GYS2: variants seen among roughly 807,000 people sequenced by gnomAD.
The protein encoded by GYS2 is glycogen [starch] synthase, liver.
In GYS2, 80 loss-of-function variants were observed where a neutral mutation model predicts 85.6. The observed-to-expected ratio is 0.93, with a 90% CI of 0.78 to 1.13. The LOEUF is 1.13. Among genes scored for constraint, GYS2 ranks in the 50% most tolerant of loss-of-function variants. The pLI is 0.00. For synonymous variants in GYS2, 328 were observed against 300.7 expected (o/e 1.09, Z -0.94); for missense variants, 881 against 854.9 (o/e 1.03, Z -0.38).
chr12:21,568,346 G>A (rs746782755), intron 5 of GYS2, among the ~76,000 whole-genome samples: 10 of 152,160 alleles, frequency 6.6e-5, no homozygotes, highest in Non-Finnish European at 1.2e-4. Context: ...GTGGCCGGGT[G>A]ACAGGGCCAT....
chr12:21,570,837 T>A (rs1233144088), intron 4 of GYS2, among the ~76,000 whole-genome samples: 2 of 152,108 alleles, frequency 1.3e-5, no homozygotes, highest in Non-Finnish European at 2.9e-5. Flanking sequence ...TATTTAGAGG[T>A]GTGGTAAAGA....
chr12:21,594,100 C>T (rs1218823822), intron 1 of GYS2, among the ~76,000 whole-genome samples: 3 of 152,068 alleles, frequency 2.0e-5, no homozygotes, highest in Non-Finnish European at 4.4e-5. Context: ...GAACATATCT[C>T]AATATAATAA....
At chr12:21,539,967 T>C (rs1943953045) in intron 14 of GYS2, among the ~76,000 whole-genome samples, 1 of 152,236 alleles carries the variant, frequency 6.6e-6, no homozygotes, top group African/African-American at 2.4e-5. Flanking sequence ...ATAAACCTAT[T>C]GCATGATTGA....
intron 13 of GYS2, among the ~76,000 whole-genome samples, chr12:21,541,904 G>T (rs1298120680): frequency 6.6e-6 from 1 of 151,952 alleles, no homozygotes; most frequent in African/African-American, 2.4e-5. Flanking sequence ...TCCCATCTTT[G>T]TGTCTATGTG....
chr12:21,604,353 A>C (rs555947080), intron 1 of GYS2, 119 bp downstream of exon 1: 1 of 766,988 alleles, frequency 1.3e-6, no homozygotes. Context: ...TTCCGTTTAA[A>C]TGCTTTCCTC....
chr12:21,535,297 G>A (rs1943900673), downstream of GYS2, among the ~76,000 whole-genome samples: 1 of 152,104 alleles, frequency 6.6e-6, no homozygotes, highest in South Asian at 2.1e-4. Context: ...CGTTAAGCTA[G>A]TTTACTGGGG....
At chr12:21,547,764 G>A (rs533510426) in intron 11 of GYS2, among the ~76,000 whole-genome samples, 1 of 152,208 alleles carries the variant, frequency 6.6e-6, no homozygotes, top group South Asian at 2.1e-4. Context: ...TGGATCTTGG[G>A]TGGTAATTAT....
At chr12:21,568,383 T>G (rs1944347787) in intron 5 of GYS2, among the ~76,000 whole-genome samples, 1 of 152,178 alleles carries the variant, frequency 6.6e-6, no homozygotes, top group South Asian at 2.1e-4. Context: ...TTCTTCACAT[T>G]GCAAGCTCTG....
intron 1 of GYS2, among the ~76,000 whole-genome samples, chr12:21,587,098 G>A (rs1359881805): frequency 6.6e-6 from 1 of 152,178 alleles, no homozygotes; most frequent in Non-Finnish European, 1.5e-5. Flanking sequence ...AACACAGTAT[G>A]TTCTCATTTA....
chr12:21,597,302 A>G (rs1944707486), intron 1 of GYS2, among the ~76,000 whole-genome samples: 1 of 152,074 alleles, frequency 6.6e-6, no homozygotes, highest in African/African-American at 2.4e-5. Flanking sequence ...ATTTGCATAC[A>G]TTTGACAAGG....
Position 21,574,338 on chromosome 12 carries a change from A to G in GYS2, c.496-12T>C, listed in dbSNP as rs1944420873. On this transcript the variant is annotated splice_polypyrimidine_tract_variant and intron_variant, in intron 3 of 15. Transcript: ENST00000261195. ...GCATGATCTGTCACCTACATTAGGA[A>G]AAAAAAAGCATTCAGAAAAGTTGTT... The G allele has an allele frequency of 1.2e-6, 2 of 1,608,404 alleles. No individual in the cohort carries two copies. Among genetic ancestry groups the G allele is most frequent in the East Asian group, 4.5e-5 (2 of 44,836 alleles).
intron 1 of GYS2, among the ~76,000 whole-genome samples, chr12:21,588,969 C>T (rs1336361549): frequency 1.3e-5 from 2 of 152,220 alleles, no homozygotes; most frequent in Non-Finnish European, 2.9e-5. Context: ...CCACTATCCA[C>T]AAAAATGCAA....
chr12:21,566,246 A>T (rs1350798241), intron 5 of GYS2, among the ~76,000 whole-genome samples: 2 of 152,108 alleles, frequency 1.3e-5, no homozygotes, highest in Non-Finnish European at 2.9e-5. Context: ...CTTGCTCTGT[A>T]GTTGCACCCT....
chr12:21,556,827 C>A (rs1185506385), intron 11 of GYS2, among the ~76,000 whole-genome samples: 1 of 152,200 alleles, frequency 6.6e-6, no homozygotes, highest in East Asian at 1.9e-4. Flanking sequence ...AACCGTCTCT[C>A]CCATGGTTTT....
chr12:21,581,144 C>T (rs1438648394), intron 1 of GYS2, among the ~76,000 whole-genome samples: 4 of 152,188 alleles, frequency 2.6e-5, no homozygotes, highest in African/African-American at 4.8e-5. Flanking sequence ...AACACAAATA[C>T]GTATTTCATT....
intron 1 of GYS2, among the ~76,000 whole-genome samples, chr12:21,599,705 C>T (rs545390818): frequency 2.5e-4 from 38 of 152,218 alleles, no homozygotes; most frequent in African/African-American, 8.9e-4. Context: ...ACTATGCATC[C>T]CGTGATTGAA....
chr12:21,536,084 A>C (rs777742303), downstream of GYS2: 2 of 152,214 alleles, frequency 1.3e-5, no homozygotes, highest in Non-Finnish European at 2.9e-5. Flanking sequence ...AACAATTTTT[A>C]AAGAAGGCAT....
chr12:21,557,871 C>G (rs184908855), intron 11 of GYS2, among the ~76,000 whole-genome samples: 3,171 of 152,010 alleles, frequency 0.021, 64 homozygotes, highest in Non-Finnish European at 0.03. Flanking sequence ...TGCACTCCAG[C>G]CTGGGCGACA....
At chr12:21,545,104 C>T (rs1220789396) in intron 12 of GYS2, among the ~76,000 whole-genome samples, 3 of 152,174 alleles carry the variant, frequency 2.0e-5, no homozygotes, top group African/African-American at 7.2e-5. Flanking sequence ...GCAACATTTA[C>T]TATCTCAATT....
Sources: gnomAD v4.1 joint callset for allele counts (sites outside exome capture counted in the v4.1 genomes callset) on GRCh38, gnomAD v4.1.1 for gene constraint, MANE v1.5 for transcripts, NCBI Gene and HGNC (gene_info 2026-07-23, HGNC 2026-07-21) for gene names.